MARK3: variants seen among roughly 807,000 people sequenced by gnomAD.
MARK3 encodes the protein MAP/microtubule affinity-regulating kinase 3.
MARK3 carries 46 observed loss-of-function variants against 90.1 expected under a neutral mutation model. The observed-to-expected ratio is 0.51, with a 90% CI of 0.40 to 0.65. The LOEUF (loss-of-function observed/expected upper bound fraction) is 0.65. Among genes scored for constraint, MARK3 ranks in the 30% least tolerant of loss-of-function variants. The probability of loss-of-function intolerance (pLI) is 0.00; values close to 1 mark genes in which losing one functional copy is unlikely to be tolerated. For missense variants in MARK3, 818 were observed against 947.2 expected, an observed-to-expected ratio of 0.86 and a Z score of 1.79; for synonymous variants, 321 against 332.6, an observed-to-expected ratio of 0.97 and a Z score of 0.38.
Position 103,434,470 on chromosome 14 carries a change from A to G in MARK3, c.297+6030A>G, listed in dbSNP as rs151154811. 8.7e-4 allele frequency among the ~76,000 whole-genome samples: 133 copies of G among 152,320 alleles called. 2 individuals carry two copies. The East Asian group carries it at 0.023, about 27-fold the overall frequency. ...GAAAGAGGTAGGCATTAGTAAGGAA[A>G]AATTAAGAGGGGCAAAAGCATTGTT... is the stretch of plus-strand genomic sequence containing the variant. On this transcript the variant is annotated intron_variant, in intron 3 of 17. Transcript: ENST00000429436.
chr14:103,458,935 C>A, intron 6 of MARK3: 1 of 443,048 alleles, frequency 2.3e-6, no homozygotes, highest in Non-Finnish European at 4.0e-6. Flanking sequence ...TTCTCTGATC[C>A]TGTTTTTAAA....
chr14:103,416,986 G>A (rs1352288815), intron 2 of MARK3, among the ~76,000 whole-genome samples: 1 of 152,148 alleles, frequency 6.6e-6, no homozygotes, highest in African/African-American at 2.4e-5. Context: ...CAGATAAGCA[G>A]GAGAGTGAAT....
chr14:103,472,593 G>A (rs546637575), intron 12 of MARK3, among the ~76,000 whole-genome samples: 1 of 142,570 alleles, frequency 7.0e-6, no homozygotes, highest in Non-Finnish European at 1.5e-5. Flanking sequence ...CTTGCAGTGA[G>A]CCAAGATCAT....
intron 14 of MARK3, among the ~76,000 whole-genome samples, chr14:103,481,620 T>C (rs1353640227): frequency 1.8e-5 from 2 of 113,294 alleles, no homozygotes; most frequent in South Asian, 3.4e-4. Context: ...ATTTACATTC[T>C]CTTGTTCTCT....
chr14:103,468,246 C>A, intron 12 of MARK3, 60 bp downstream of exon 12: 2 of 1,429,108 alleles, frequency 1.4e-6, no homozygotes, highest in Non-Finnish European at 1.9e-6. Flanking sequence ...TCTCCTAGCA[C>A]TGGGAAGCAT....
At chr14:103,418,076 A>G (rs549778188) in intron 2 of MARK3, among the ~76,000 whole-genome samples, 254 of 152,206 alleles carry the variant, frequency 1.7e-3, no homozygotes, top group Middle Eastern at 3.4e-3. Flanking sequence ...CTCAAAAGAA[A>G]GAAAGCTGTG....
At chr14:103,495,458 G>A (rs570869209) in intron 15 of MARK3, among the ~76,000 whole-genome samples, 20 of 137,246 alleles carry the variant, frequency 1.5e-4, no homozygotes, top group African/African-American at 5.2e-4. Flanking sequence ...CCAGCCTGGC[G>A]ACAGATTGAC....
chr14:103,432,195 T>C (rs971246083), intron 3 of MARK3, among the ~76,000 whole-genome samples: 12 of 152,202 alleles, frequency 7.9e-5, no homozygotes, highest in African/African-American at 2.7e-4. Flanking sequence ...GCTGACCCAG[T>C]AGTAAAGCAT....
intron 1 of MARK3, among the ~76,000 whole-genome samples, chr14:103,389,775 C>G (rs535926825): frequency 6.7e-6 from 1 of 150,250 alleles, no homozygotes; most frequent in Non-Finnish European, 1.5e-5. Context: ...AAAACCCTGT[C>G]TCTACTAAAA....
In MARK3 at chr14:103,503,470, C is replaced by G. The variant is rs1375188627; in HGVS notation, c.*243C>G. On this transcript the variant is annotated 3_prime_UTR_variant, in exon 18 of 18. Transcript: ENST00000429436. ...GTTACCCTGAGAGTCGGTGTGTGGC[C>G]CCATCTCCATGTGCCTCCCGTCTGG... 2.0e-6 allele frequency: 1 copy of G among 508,784 alleles called. No individual in the cohort carries two copies. The highest frequency in any genetic ancestry group is 3.5e-6 in the Non-Finnish European group (1 of 285,006). The allele number at this position is 508,784 out of a possible 1,614,324, so 31.5% of individuals were successfully genotyped here. A position where few individuals can be genotyped will look rare whatever the true frequency, so the allele number is the denominator to read the frequency against.
intron 7 of MARK3, among the ~76,000 whole-genome samples, chr14:103,464,626 G>C (rs2093469110): frequency 6.6e-6 from 1 of 151,994 alleles, no homozygotes; most frequent in Non-Finnish European, 1.5e-5. Flanking sequence ...ATGAGGTTTA[G>C]GATTCTCCCC....
chr14:103,411,867 C>T (rs1217558455), intron 2 of MARK3, among the ~76,000 whole-genome samples: 3 of 151,572 alleles, frequency 2.0e-5, no homozygotes. Context: ...ATGAACTGCC[C>T]ACCTCAGCCT....
At chr14:103,471,746 G>T (rs1226560796) in intron 12 of MARK3, among the ~76,000 whole-genome samples, 1 of 144,424 alleles carries the variant, frequency 6.9e-6, no homozygotes, top group African/African-American at 2.6e-5. Flanking sequence ...TCTGCGAATG[G>T]TGATCATCTG....
chr14:103,462,675 G>T (rs2093424812), intron 7 of MARK3, among the ~76,000 whole-genome samples: 1 of 152,164 alleles, frequency 6.6e-6, no homozygotes, highest in Admixed American at 6.5e-5. Context: ...TACGGTGACT[G>T]GTGGTTGATC....
intron 1 of MARK3, among the ~76,000 whole-genome samples, chr14:103,404,247 G>T (rs913018770): frequency 1.5e-4 from 23 of 152,314 alleles, no homozygotes; most frequent in Non-Finnish European, 7.3e-5. Context: ...TGGACAGAAA[G>T]TTGGAAAAGA....
chr14:103,425,026 T>G (rs2092353624), intron 2 of MARK3, among the ~76,000 whole-genome samples: 1 of 151,130 alleles, frequency 6.6e-6, no homozygotes, highest in Non-Finnish European at 1.5e-5. Flanking sequence ...CTGCAACCTC[T>G]ACCTCCCAAA....
At chr14:103,450,433 C>A (rs967509071) in intron 4 of MARK3, among the ~76,000 whole-genome samples, 11 of 152,094 alleles carry the variant, frequency 7.2e-5, no homozygotes, top group African/African-American at 2.7e-4. Flanking sequence ...TAAATTGTGA[C>A]CTGATTAGAG....
At chr14:103,452,283 A>G (rs2093165176) in intron 5 of MARK3, among the ~76,000 whole-genome samples, 1 of 152,008 alleles carries the variant, frequency 6.6e-6, no homozygotes, top group Non-Finnish European at 1.5e-5. Context: ...TGACATTAGC[A>G]TGTTCACGTT....
At chr14:103,483,536 C>A (rs2093865007) in intron 14 of MARK3, among the ~76,000 whole-genome samples, 1 of 152,008 alleles carries the variant, frequency 6.6e-6, no homozygotes, top group Middle Eastern at 3.2e-3. Flanking sequence ...ATTATTTTTT[C>A]TTTTGAAAAT....
Sources: allele counts gnomAD v4.1 joint callset (sites outside exome capture counted in the v4.1 genomes callset), GRCh38; gene constraint gnomAD v4.1.1; transcripts MANE v1.5; gene names NCBI Gene and HGNC (gene_info 2026-07-23, HGNC 2026-07-21).